Variants in NAPG observed in about 807,000 individuals in gnomAD.
NAPG encodes the protein NSF attachment protein gamma, also known as gamma-soluble NSF attachment protein.
A neutral mutation model predicts 48.4 loss-of-function variants in NAPG; 25 were observed. The observed-to-expected ratio is 0.52, with a 90% CI of 0.38 to 0.72. The LOEUF (loss-of-function observed/expected upper bound fraction) is 0.72, where lower values mean the gene tolerates loss of function less well. NAPG is among the 30% of genes least tolerant of loss of function. NAPG has a pLI of 0.00. For synonymous variants in NAPG, 139 were observed against 127.2 expected (o/e 1.09, Z -0.62); for missense variants, 359 against 372.5 (o/e 0.96, Z 0.30).
chr18:10,540,446 C>A, intron 8 of NAPG, 47 bp downstream of exon 8: 3 of 1,518,188 alleles, frequency 2.0e-6, no homozygotes, highest in Non-Finnish European at 2.7e-6. Context: ...TACTTTGAAT[C>A]CACATTTGGA....
rs1295939676 is a variant in NAPG, at chr18:10,546,723, C to T, written c.585+319C>T. ...AGTTTCTCGGGTTTTTTTCCATTTC[C>T]TCTTGCAGCATTCATTGCCCTGCCC... On this transcript the variant is annotated intron_variant, in intron 9 of 11. Coordinates refer to ENST00000322897, the MANE Select transcript of NAPG (RefSeq NM_003826.3). This position sits in a 1 kb window ranked among gnomAD's most constrained non-coding sequence, Gnocchi z 4.0. 6.6e-6 allele frequency among the ~76,000 whole-genome samples: 1 copy of T among 152,176 alleles called. No individual in the cohort carries two copies. Among genetic ancestry groups the T allele is most frequent in the African/African-American group, 2.4e-5 (1 of 41,446 alleles).
rs2032363541 is a variant in NAPG at position 10,550,376 on chromosome 18, C to T, written c.*156C>T. 5 of 697,372 alleles carry T rather than the reference C, an allele frequency of 7.2e-6. No individual in the cohort carries two copies. The highest frequency in any genetic ancestry group is 4.2e-5 in the Admixed American group (1 of 23,890). 43.2% of individuals were successfully genotyped at this position (697,372 alleles called of 1,614,324 possible). ...TTTTAGTTACCATCTTCCCAAATCA[C>T]TCATTGTATCCATTACCTGTGAAGC... On this transcript the variant is annotated 3_prime_UTR_variant, in exon 12 of 12. Coordinates refer to ENST00000322897, the MANE Select transcript of NAPG (RefSeq NM_003826.3).
chr18:10,530,723 A>G (rs1351958509), intron 1 of NAPG, 47 bp from the exon 2 acceptor site: 1 of 1,271,784 alleles, frequency 7.9e-7, no homozygotes, highest in Non-Finnish European at 1.1e-6. Context: ...GATCTGACTT[A>G]TAAATGTGGT....
intron 1 of NAPG, 149 bp from the exon 2 acceptor site, chr18:10,530,621 T>C (rs113121192): frequency 2.1e-6 from 1 of 468,568 alleles, no homozygotes; most frequent in African/African-American, 2.0e-5. Flanking sequence ...TAGGCCTAAG[T>C]TTGGATGGAG....
At chr18:10,529,107 A>G (rs2031877785) in intron 1 of NAPG, among the ~76,000 whole-genome samples, 1 of 152,172 alleles carries the variant, frequency 6.6e-6, no homozygotes, top group Non-Finnish European at 1.5e-5. Context: ...TGTTCATGTG[A>G]CTTGGGATGG....
rs892882965 is a variant in NAPG at position 10,543,473 on chromosome 18, T to C, written c.507-2853T>C. On this transcript the variant is annotated intron_variant, in intron 8 of 11. Coordinates refer to ENST00000322897, the MANE Select transcript of NAPG (RefSeq NM_003826.3). This position sits in a 1 kb window ranked among gnomAD's most constrained non-coding sequence, Gnocchi z 4.4. ...GATAAGGAATATAGAAACAAACTTATCAGTGATGATAATAAACTTAGCTGG... is the reference window on the plus strand; with the variant it reads ...GATAAGGAATATAGAAACAAACTTACCAGTGATGATAATAAACTTAGCTGG... Among the ~76,000 whole-genome samples, 1 of 152,206 alleles carries C rather than the reference T, an allele frequency of 6.6e-6. No individual in the cohort carries two copies. The highest frequency in any genetic ancestry group is 1.5e-5 in the Non-Finnish European group (1 of 68,048).
At chr18:10,533,340 T>C in intron 3 of NAPG, 196 bp from the exon 4 acceptor site, 2 of 448,770 alleles carry the variant, frequency 4.5e-6, no homozygotes, top group Non-Finnish European at 7.8e-6. Flanking sequence ...AGTGTTTTGT[T>C]AGTGGTTTTG....
rs923107166 is a variant in NAPG, at chr18:10,550,540, A to G, written c.*320A>G. On this transcript the variant is annotated 3_prime_UTR_variant, in exon 12 of 12. Coordinates refer to ENST00000322897, the MANE Select transcript of NAPG (RefSeq NM_003826.3). ...AATTATGTTCTAAACAAAAGGGGTA[A>G]TAAGCATAGGTATTCTCTCTTGGAC... The G allele has an allele frequency of 1.4e-5, 3 of 210,974 alleles. No homozygotes were observed. The highest frequency in any genetic ancestry group is 2.8e-5 in the Non-Finnish European group (3 of 106,560). 13.1% of individuals were successfully genotyped at this position (210,974 alleles called of 1,614,324 possible).
At chr18:10,527,647 A>C (rs1196884144) in intron 1 of NAPG, among the ~76,000 whole-genome samples, 1 of 152,224 alleles carries the variant, frequency 6.6e-6, no homozygotes, top group Non-Finnish European at 1.5e-5. Flanking sequence ...CAGAGCTTGA[A>C]AAATACGGAA....
rs1275706887 is a variant in NAPG, at chr18:10,546,575, CT to C, written c.585+172del. On this transcript the variant is annotated intron_variant, in intron 9 of 11. Transcript: ENST00000322897. This position sits in a 1 kb window ranked among gnomAD's most constrained non-coding sequence, Gnocchi z 4.0. ...AGTAAGCCCACTACAGCTTGTTTCTCTGCTGATTACAGCTAAACTACTGGAT... is the reference window on the plus strand; with the variant it reads ...AGTAAGCCCACTACAGCTTGTTTCTCGCTGATTACAGCTAAACTACTGGAT... Among the ~76,000 whole-genome samples, 1,970 of 152,262 alleles carry C rather than the reference CT, an allele frequency of 0.013. 37 individuals are homozygous for C. The highest frequency in any genetic ancestry group is 0.045 in the African/African-American group (1,876 of 41,526).
rs2032262390 is a variant in NAPG, at chr18:10,546,209, A to G, written c.507-117A>G. On this transcript the variant is annotated intron_variant, in intron 8 of 11. Coordinates refer to ENST00000322897, the MANE Select transcript of NAPG (RefSeq NM_003826.3). The surrounding 1 kb of genome is among the most constrained non-coding windows in gnomAD (Gnocchi z 4.0). ...AAACCTGGGTCCTGGGGCAGCTGCT[A>G]ATAATACCTGTCCTCCTGGTGTCTC... The G allele has an allele frequency of 3.7e-6, 2 of 535,716 alleles. No individual in the cohort carries two copies. Among genetic ancestry groups the G allele is most frequent in the Non-Finnish European group, 6.3e-6 (2 of 319,996 alleles). 33.2% of individuals were successfully genotyped at this position (535,716 alleles called of 1,614,324 possible). A position where few individuals can be genotyped will look rare whatever the true frequency, so the allele number is the denominator to read the frequency against.
At chr18:10,527,223 A>T (rs186005585) in intron 1 of NAPG, among the ~76,000 whole-genome samples, 23 of 151,678 alleles carry the variant, frequency 1.5e-4, no homozygotes, top group African/African-American at 4.6e-4. Context: ...AAAAGTCAGC[A>T]TTGTGCTCTG....
intron 5 of NAPG, among the ~76,000 whole-genome samples, chr18:10,536,935 C>CA (rs2032045427): frequency 6.6e-6 from 1 of 150,704 alleles, no homozygotes; most frequent in Non-Finnish European, 1.5e-5. Context: ...TTTTACTCCC[C>CA]AAAAACTTTA....
intron 1 of NAPG, among the ~76,000 whole-genome samples, chr18:10,528,101 C>T (rs1310736464): frequency 1.3e-5 from 2 of 152,078 alleles, no homozygotes; most frequent in African/African-American, 4.8e-5. Flanking sequence ...CAGGAGAATC[C>T]CTTGAGCCCT....
Position 10,546,436 on chromosome 18 carries a change from A to C in NAPG, c.585+32A>C. 1 of 1,293,144 alleles carries C rather than the reference A, an allele frequency of 7.7e-7. No homozygotes were observed. The highest frequency in any genetic ancestry group is 1.1e-6 in the Non-Finnish European group (1 of 930,550). The allele number at this position is 1,293,144 out of a possible 1,614,324, so 80.1% of individuals were successfully genotyped here. On this transcript the variant is annotated intron_variant, in intron 9 of 11. Coordinates refer to ENST00000322897, the MANE Select transcript of NAPG (RefSeq NM_003826.3). This position sits in a 1 kb window ranked among gnomAD's most constrained non-coding sequence, Gnocchi z 4.0. ...TTTGAAAGTGTTTGTTTTTGGTATT[A>C]CATTAGATGATTTTTTATACTGGTA...
chr18:10,526,088 G>T lies in NAPG; in HGVS notation c.-15G>T. 1 of 1,613,382 alleles carries T rather than the reference G, an allele frequency of 6.2e-7. No individual in the cohort carries two copies. Among genetic ancestry groups the T allele is most frequent in the Non-Finnish European group, 8.5e-7 (1 of 1,179,464 alleles). On this transcript the variant is annotated 5_prime_UTR_variant, in exon 1 of 12. Coordinates refer to ENST00000322897, the MANE Select transcript of NAPG (RefSeq NM_003826.3). The stretch of plus-strand genomic sequence containing the variant: ...AGGGTCACCCTCTCTCCACGTCAGA[G>T]ACCTGACTGTGGAGATGGCGGCTCA...
At chr18:10,530,260 GTCTT>G (rs148760014) in intron 1 of NAPG, among the ~76,000 whole-genome samples, 8 of 97,736 alleles carry the variant, frequency 8.2e-5, no homozygotes, top group Non-Finnish European at 1.4e-4. Context: ...GTATTCCTTA[GTCTT>G]TCTGTTCTCT....
rs188762044 is a variant in NAPG at position 10,539,888 on chromosome 18, C to T, written c.368+17C>T. The T allele has an allele frequency of 6.2e-7, 1 of 1,612,266 alleles. No homozygotes were observed. Among genetic ancestry groups the T allele is most frequent in the Non-Finnish European group, 8.5e-7 (1 of 1,178,462 alleles). Reference sequence around the variant, plus strand: ...AGCTGGAAAGTGAGTGTGAGATGGACAAGTCTCTGCATAGAAGTCTTGTCT... The same window carrying T: ...AGCTGGAAAGTGAGTGTGAGATGGATAAGTCTCTGCATAGAAGTCTTGTCT... On this transcript the variant is annotated intron_variant, in intron 6 of 11. Coordinates refer to ENST00000322897, the MANE Select transcript of NAPG (RefSeq NM_003826.3). This position sits in a 1 kb window ranked among gnomAD's most constrained non-coding sequence, Gnocchi z 4.7.
In NAPG at chr18:10,544,677, A is replaced by G. The variant is rs1483851409; in HGVS notation, c.507-1649A>G. Among the ~76,000 whole-genome samples, 1 of 152,176 alleles carries G rather than the reference A, an allele frequency of 6.6e-6. No individual in the cohort carries two copies. The highest frequency in any genetic ancestry group is 6.5e-5 in the Admixed American group (1 of 15,274). ...TCGAAGTCAGCTGATTTGTGTCCTA[A>G]TCACAGGATGGCCCATCATATTCCG... On this transcript the variant is annotated intron_variant, in intron 8 of 11. Transcript: ENST00000322897. The surrounding 1 kb of genome is among the most constrained non-coding windows in gnomAD (Gnocchi z 5.1).
Sources: allele counts gnomAD v4.1 joint callset (sites outside exome capture counted in the v4.1 genomes callset), GRCh38; gene constraint gnomAD v4.1.1; non-coding constraint Gnocchi (gnomAD v3.1); transcripts MANE v1.5; gene names NCBI Gene and HGNC (gene_info 2026-07-23, HGNC 2026-07-21).